Variants in TENM1 observed in about 807,000 individuals in gnomAD.
TENM1 encodes the protein teneurin transmembrane protein 1.
Under a neutral mutation model 174.8 loss-of-function variants are expected in TENM1, and 35 were observed. The observed-to-expected ratio is 0.20, with a 90% CI of 0.15 to 0.27. The LOEUF is 0.27. Ranked by LOEUF, TENM1 falls within the 10% of genes least tolerant of loss-of-function variation. The pLI is 1.00. For missense variants in TENM1, 1,633 were observed against 2,130.1 expected (o/e 0.77, Z 4.59); for synonymous variants, 781 against 798.7 (o/e 0.98, Z 0.37).
At chrX:124,920,383 T>A (rs1477407710) in intron 1 of TENM1, among the ~76,000 whole-genome samples, 1 of 108,748 alleles carries the variant, frequency 9.2e-6, no homozygotes, top group Non-Finnish European at 1.9e-5. Context: ...TTGCAAGGAA[T>A]TTCTTTGTCT....
intron 11 of TENM1, among the ~76,000 whole-genome samples, chrX:124,619,173 A>G (rs187993191): frequency 2.0e-4 from 23 of 112,561 alleles, no homozygotes; most frequent in Non-Finnish European, 3.2e-4. Flanking sequence ...ACTTTCTGCT[A>G]TGAATAAAAC....
intron 11 of TENM1, among the ~76,000 whole-genome samples, chrX:124,582,742 C>G (rs2049357778): frequency 8.9e-6 from 1 of 111,933 alleles, no homozygotes; most frequent in South Asian, 3.7e-4. Context: ...CATTGCCTCA[C>G]TCGGGAAGTG....
intron 23 of TENM1, among the ~76,000 whole-genome samples, chrX:124,443,255 G>GT (rs2060930198): frequency 9.0e-6 from 1 of 111,384 alleles, no homozygotes; most frequent in African/African-American, 3.3e-5. Context: ...AGAGAAAGTT[G>GT]TTTTTTCAGT....
chrX:125,097,746 A>G, the TENM1 span, among the ~76,000 whole-genome samples: 3 of 112,403 alleles, frequency 2.7e-5, no homozygotes, highest in Non-Finnish European at 5.6e-5. Context: ...GATCGTTACA[A>G]AAAACTCTGT....
chrX:125,045,421 A>T, the TENM1 span, among the ~76,000 whole-genome samples: 1 of 111,579 alleles, frequency 9.0e-6, no homozygotes, highest in Non-Finnish European at 1.9e-5. Context: ...TCCAAAAGCT[A>T]TATATAGTGG....
chrX:124,964,034 GA>G (rs1221318166), upstream of TENM1, among the ~76,000 whole-genome samples: 1 of 112,029 alleles, frequency 8.9e-6, no homozygotes. Flanking sequence ...TGCAGCATCA[GA>G]AAATACTCAA....
intron 23 of TENM1, among the ~76,000 whole-genome samples, chrX:124,449,028 A>G (rs2147832567): frequency 1.8e-5 from 2 of 111,979 alleles, no homozygotes; most frequent in African/African-American, 6.5e-5. Flanking sequence ...TGGGTGGACA[A>G]ATTGGATTTA....
At chrX:124,586,896 A>T (rs1229035590) in intron 11 of TENM1, among the ~76,000 whole-genome samples, 1 of 109,869 alleles carries the variant, frequency 9.1e-6, no homozygotes, top group Non-Finnish European at 1.9e-5. Context: ...CACCAATAAC[A>T]GACAAACAGA....
chrX:124,772,158 C>T (rs1213024939), intron 3 of TENM1, among the ~76,000 whole-genome samples: 2 of 109,621 alleles, frequency 1.8e-5, no homozygotes, highest in Admixed American at 9.7e-5. Flanking sequence ...TTTCTTGAGA[C>T]AGAGGCTTGC....
chrX:124,821,569 A>G (rs1468703778), intron 3 of TENM1, among the ~76,000 whole-genome samples: 1 of 112,420 alleles, frequency 8.9e-6, no homozygotes, highest in East Asian at 2.8e-4. Context: ...GACTCTTTAA[A>G]AGCAAAAGAG....
intron 3 of TENM1, among the ~76,000 whole-genome samples, chrX:124,873,817 T>A (rs2057151036): frequency 9.0e-6 from 1 of 111,327 alleles, no homozygotes; most frequent in Non-Finnish European, 1.9e-5. Context: ...ATAATCACCA[T>A]GTACCCCATT....
the TENM1 span, among the ~76,000 whole-genome samples, chrX:125,131,253 G>C: frequency 9.9e-5 from 11 of 111,549 alleles, no homozygotes; most frequent in Non-Finnish European, 1.7e-4. Flanking sequence ...ACATTTTCAT[G>C]TATCTGTCTC....
chrX:125,028,855 C>T, the TENM1 span, among the ~76,000 whole-genome samples: 5 of 111,288 alleles, frequency 4.5e-5, no homozygotes, highest in Non-Finnish European at 9.4e-5. Context: ...TAAGAAGTTT[C>T]AGCTTTGTCT....
the TENM1 span, among the ~76,000 whole-genome samples, chrX:125,032,790 G>A: frequency 2.1e-4 from 24 of 111,724 alleles, no homozygotes; most frequent in African/African-American, 7.8e-4. Flanking sequence ...ATACAGCCCA[G>A]CACAACACAG....
At chrX:124,653,941 T>A (rs141450322) in intron 6 of TENM1, among the ~76,000 whole-genome samples, 158 bp from the exon 10 acceptor site, 10 of 112,000 alleles carry the variant, frequency 8.9e-5, no homozygotes, top group African/African-American at 3.2e-4. Context: ...AAATTAAATA[T>A]CATCTAAGAA....
At chrX:124,839,431 T>A (rs963379143) in intron 3 of TENM1, among the ~76,000 whole-genome samples, 1 of 111,740 alleles carries the variant, frequency 8.9e-6, no homozygotes, top group Admixed American at 9.5e-5. Context: ...AATGTTAATA[T>A]GAGTTTAATA....
chrX:125,043,105 C>A, the TENM1 span, among the ~76,000 whole-genome samples: 27 of 105,436 alleles, frequency 2.6e-4, no homozygotes, highest in African/African-American at 9.4e-4. Flanking sequence ...TAGGCGTGGG[C>A]AAGGACTTCA....
intron 3 of TENM1, among the ~76,000 whole-genome samples, chrX:124,861,915 T>A (rs1432556089): frequency 8.9e-6 from 1 of 112,137 alleles, no homozygotes; most frequent in African/African-American, 3.2e-5. Flanking sequence ...ATTTGACTAA[T>A]TGTGATTGAA....
At chrX:124,440,907 T>C (rs754422792) in intron 23 of TENM1, among the ~76,000 whole-genome samples, 53 of 111,993 alleles carry the variant, frequency 4.7e-4, no homozygotes, top group Non-Finnish European at 5.6e-4. Flanking sequence ...TGTGCCACTT[T>C]CCTTCCACAT....
Sources: allele counts gnomAD v4.1 joint callset (sites outside exome capture counted in the v4.1 genomes callset), GRCh38; gene constraint gnomAD v4.1.1; transcripts MANE v1.5; gene names NCBI Gene and HGNC (gene_info 2026-07-23, HGNC 2026-07-21).